Variants in ATP13A4 observed in about 807,000 individuals in gnomAD.
ATP13A4 encodes the protein ATPase 13A4.
In ATP13A4, 114 loss-of-function variants were observed where a neutral mutation model predicts 142.5. The observed-to-expected ratio is 0.80, with a 90% CI of 0.69 to 0.93. ATP13A4 has a LOEUF of 0.93. ATP13A4 is among the 40% of genes least tolerant of loss of function. ATP13A4 has a pLI of 0.00. For synonymous variants in ATP13A4, 488 were observed against 514.8 expected, an observed-to-expected ratio of 0.95 and a Z score of 0.70; for missense variants, 1,392 against 1,454.0, an observed-to-expected ratio of 0.96 and a Z score of 0.69.
In ATP13A4 at chr3:193,439,232, C is replaced by A. The variant is rs1206117915; in HGVS notation, c.2520-167G>T. On this transcript the variant is annotated intron_variant, in intron 21 of 29. Transcript: ENST00000342695. The stretch of plus-strand genomic sequence containing the variant: ...AAAAAGTGTGATTCAGCAGTTAATA[C>A]AATGGATTTAGAAATTCAGAACGTG... 3 of 701,242 alleles carry A rather than the reference C, an allele frequency of 4.3e-6. No homozygotes were observed. The African/African-American group carries it at 5.3e-5, about 12-fold the overall frequency. The allele number at this position is 701,242 out of a possible 1,614,324, so 43.4% of individuals were successfully genotyped here.
chr3:193,504,063 G>A (rs181914257), intron 2 of ATP13A4, among the ~76,000 whole-genome samples: 2 of 151,150 alleles, frequency 1.3e-5, no homozygotes, highest in African/African-American at 4.9e-5. Context: ...AAGAAGGGAA[G>A]GAAGCCAACA....
In ATP13A4 at chr3:193,457,445, G is replaced by T; in HGVS notation, c.1695C>A (p.Asp565Glu). ...ATTWEMAFSG[D>E]DFHIKGVPAH... ...CCGGCACTCCCTTGATGTGGAAATC[G>T]TCCCCAGAAAAAGCCATTTCCTATT... The change falls in exon 15 of 30, where the codon GAC becomes GAA. Residue 565 changes from aspartate (D) to glutamate (E), a missense_variant. By Grantham distance (45) the Asp-to-Glu change is conservative. Transcript: ENST00000342695. 6.2e-7 allele frequency: 1 copy of T among 1,614,072 alleles called. No individual in the cohort carries two copies.
chr3:193,442,550 T>C lies in ATP13A4; in HGVS notation c.2159A>G (p.Asn720Ser), dbSNP rs937497269. 5.6e-6 allele frequency: 9 copies of C among 1,613,512 alleles called. No individual in the cohort carries two copies. In the African/African-American group the frequency reaches 1.1e-4, roughly 19 times the overall value. ...RIRTVMITGD[N>S]LQTAITVARK... Reference sequence around the variant, plus strand: ...GGCCACTGTTATTGCAGTCTGAAGATTGTCACCTAGAGGAAAGGAGGAGTA... The same window carrying C: ...GGCCACTGTTATTGCAGTCTGAAGACTGTCACCTAGAGGAAAGGAGGAGTA... The change falls in exon 19 of 30, where the codon AAT becomes AGT. Residue 720 changes from asparagine to serine, a missense_variant. Asn to Ser is a conservative substitution (Grantham distance 46). Transcript: ENST00000342695.
intron 1 of ATP13A4, among the ~76,000 whole-genome samples, chr3:193,525,016 A>T (rs1000651892): frequency 2.0e-5 from 3 of 152,158 alleles, no homozygotes; most frequent in Non-Finnish European, 4.4e-5. Context: ...ATCTGTTAGA[A>T]TGTAAGCTTC....
chr3:193,457,067 T>A lies in ATP13A4; in HGVS notation c.1848A>T (p.Gly616=). ...QRMTVIVQEM[G]GDRLAFMKGA... Reference sequence around the variant, plus strand: ...CTTTCATGAATGCCAGTCGGTCACCTCCCATCTCTTGGACAATGACTGTCA... The same window carrying A: ...CTTTCATGAATGCCAGTCGGTCACCACCCATCTCTTGGACAATGACTGTCA... Residue 616 remains glycine, a synonymous_variant, in exon 16 of 30, where the codon GGA becomes GGT. Transcript: ENST00000342695. The A allele has an allele frequency of 6.2e-7, 1 of 1,614,086 alleles. No individual in the cohort carries two copies. The highest frequency in any genetic ancestry group is 8.5e-7 in the Non-Finnish European group (1 of 1,180,028).
Position 193,467,368 on chromosome 3 carries a change from G to C in ATP13A4, c.1062C>G (p.Ile354Met). ...TCCCAGAGCAAGCTGCCTTGGCCTGGATAACCTCTGTTCCACAGAAGAGGA... is the reference window on the plus strand; with the variant it reads ...TCCCAGAGCAAGCTGCCTTGGCCTGCATAACCTCTGTTCCACAGAAGAGGA... Reference protein sequence around the residue: ...RHVLFCGTEVIQAKAACSGTV... With the variant: ...RHVLFCGTEVMQAKAACSGTV... Residue 354 changes from isoleucine to methionine, a missense_variant, in exon 10 of 30, where the codon ATC becomes ATG. Ile to Met is a conservative substitution (Grantham distance 10). Transcript: ENST00000342695. 1 of 1,614,138 alleles carries C rather than the reference G, an allele frequency of 6.2e-7. No individual in the cohort carries two copies. The highest frequency in any genetic ancestry group is 1.1e-5 in the South Asian group (1 of 91,084).
intron 1 of ATP13A4, among the ~76,000 whole-genome samples, chr3:193,518,447 T>C (rs1721544908): frequency 6.6e-6 from 1 of 152,024 alleles, no homozygotes; most frequent in Admixed American, 6.6e-5. Flanking sequence ...AAGAAAACCA[T>C]ATAGGAAGGA....
chr3:193,505,531 C>T (rs1448894482), intron 2 of ATP13A4, among the ~76,000 whole-genome samples: 13 of 152,024 alleles, frequency 8.6e-5, no homozygotes, highest in Admixed American at 8.5e-4. Context: ...CCATTTACTC[C>T]CAATCCCAAT....
intron 2 of ATP13A4, among the ~76,000 whole-genome samples, chr3:193,511,299 T>A (rs1410805463): frequency 6.6e-6 from 1 of 152,158 alleles, no homozygotes; most frequent in Non-Finnish European, 1.5e-5. Flanking sequence ...GGAACGAAGC[T>A]CCCAGGGGCA....
chr3:193,480,796 T>C (rs1272344666), intron 8 of ATP13A4, among the ~76,000 whole-genome samples: 1 of 152,052 alleles, frequency 6.6e-6, no homozygotes, highest in East Asian at 1.9e-4. Context: ...CAGAGGAAAA[T>C]AAGTCATTAT....
chr3:193,438,385 A>G, intron 23 of ATP13A4, 90 bp downstream of exon 23: 2 of 1,098,278 alleles, frequency 1.8e-6, no homozygotes, highest in Non-Finnish European at 2.8e-6. Context: ...CAGGGACAGA[A>G]AGTTTCTCTA....
At chr3:193,411,938 C>A (rs2108603288) in intron 27 of ATP13A4, among the ~76,000 whole-genome samples, 1 of 152,302 alleles carries the variant, frequency 6.6e-6, no homozygotes, top group Middle Eastern at 3.4e-3. Flanking sequence ...GAAAGACACC[C>A]AGAGGCAAAC....
At position 193,466,024 on chromosome 3, in the gene ATP13A4, C is replaced by G; in HGVS notation, c.1272+1G>C. 1 of 1,613,916 alleles carries G rather than the reference C, an allele frequency of 6.2e-7. No homozygotes were observed. The highest frequency in any genetic ancestry group is 1.1e-5 in the South Asian group (1 of 91,074). Reference sequence around the variant, plus strand: ...TTAATAAAAGAGCAAAGACAGCTTACCCCACTAAGCACATAGACACACAGA... The same window carrying G: ...TTAATAAAAGAGCAAAGACAGCTTAGCCCACTAAGCACATAGACACACAGA... On this transcript the variant is annotated splice_donor_variant, in intron 11 of 29. Transcript: ENST00000342695. LOFTEE classifies it high-confidence loss of function.
intron 25 of ATP13A4, among the ~76,000 whole-genome samples, chr3:193,430,686 C>T (rs1206209241): frequency 1.3e-5 from 2 of 152,046 alleles, no homozygotes; most frequent in African/African-American, 4.8e-5. Flanking sequence ...TTGACCACAG[C>T]TTGACAATGT....
chr3:193,512,251 C>G (rs937287927), intron 2 of ATP13A4, among the ~76,000 whole-genome samples: 3 of 152,086 alleles, frequency 2.0e-5, no homozygotes, highest in African/African-American at 2.4e-5. Context: ...TTCTTAAGTT[C>G]GCGTGGAGGG....
intron 13 of ATP13A4, among the ~76,000 whole-genome samples, chr3:193,461,777 A>T (rs1323836119): frequency 1.3e-5 from 2 of 152,196 alleles, no homozygotes; most frequent in Non-Finnish European, 2.9e-5. Context: ...CAGAGATTTC[A>T]TGTTCTGATT....
intron 7 of ATP13A4, among the ~76,000 whole-genome samples, chr3:193,487,239 GA>G (rs201008489): frequency 3.3e-5 from 5 of 150,660 alleles, no homozygotes; most frequent in East Asian, 3.9e-4. Context: ...CGGTACTGGG[GA>G]AAAAAAAATA....
chr3:193,470,144 T>C (rs1718536080), intron 9 of ATP13A4, among the ~76,000 whole-genome samples: 1 of 152,208 alleles, frequency 6.6e-6, no homozygotes, highest in Non-Finnish European at 1.5e-5. Flanking sequence ...GAGAAACATT[T>C]TATGATTCTT....
intron 3 of ATP13A4, among the ~76,000 whole-genome samples, chr3:193,498,350 A>T (rs1577024882): frequency 1.3e-5 from 2 of 151,748 alleles, no homozygotes; most frequent in East Asian, 1.9e-4. Context: ...CAAAAAAAAA[A>T]GGAAGTGAGG....
Sources: gnomAD v4.1 joint callset for allele counts (sites outside exome capture counted in the v4.1 genomes callset) on GRCh38, gnomAD v4.1.1 for gene constraint, MANE v1.5 for transcripts, NCBI Gene and HGNC (gene_info 2026-07-23, HGNC 2026-07-21) for gene names.